PTPRD: variants seen among roughly 807,000 people sequenced by gnomAD.
PTPRD encodes the protein receptor-type tyrosine-protein phosphatase delta.
Under a neutral mutation model 214.5 loss-of-function variants are expected in PTPRD, and 34 were observed. The ratio of observed to expected loss-of-function variants is 0.16; its 90% CI spans 0.12 to 0.21. The LOEUF is 0.21. Ranked by LOEUF, PTPRD falls within the 10% of genes least tolerant of loss-of-function variation. PTPRD has a pLI of 1.00. For missense variants in PTPRD, 2,545 were observed against 2,398.7 expected (o/e 1.06, Z -1.27); for synonymous variants, 1,128 against 845.7 (o/e 1.33, Z -5.79).
intron 5 of PTPRD, among the ~76,000 whole-genome samples, chr9:9,778,028 G>C (rs919239315): frequency 1.3e-5 from 2 of 152,202 alleles, no homozygotes; most frequent in Admixed American, 6.5e-5. Flanking sequence ...GGCAGTGATA[G>C]AGAGGGGAGA....
intron 11 of PTPRD, among the ~76,000 whole-genome samples, chr9:8,840,186 G>C (rs997677741): frequency 3.9e-5 from 6 of 152,144 alleles, no homozygotes; most frequent in Non-Finnish European, 8.8e-5. Flanking sequence ...GTTTAAATTT[G>C]ATATGGTTTG....
intron 3 of PTPRD, among the ~76,000 whole-genome samples, chr9:10,144,479 G>A (rs1255839860): frequency 2.6e-5 from 4 of 152,002 alleles, no homozygotes; most frequent in Non-Finnish European, 5.9e-5. Flanking sequence ...TCTTAGGTAG[G>A]ATGAATATAA....
At chr9:8,801,575 G>C (rs2096571779) in intron 11 of PTPRD, among the ~76,000 whole-genome samples, 1 of 152,078 alleles carries the variant, frequency 6.6e-6, no homozygotes. Flanking sequence ...AATTAGCCAG[G>C]CATGGTGGCA....
At chr9:10,066,211 G>C (rs1194735978) in intron 3 of PTPRD, among the ~76,000 whole-genome samples, 1 of 151,162 alleles carries the variant, frequency 6.6e-6, no homozygotes, top group Non-Finnish European at 1.5e-5. Context: ...TATGTTTATT[G>C]TTATGAATAA....
At chr9:10,356,233 G>A (rs1346087805) in intron 2 of PTPRD, among the ~76,000 whole-genome samples, 2 of 151,920 alleles carry the variant, frequency 1.3e-5, no homozygotes, top group Non-Finnish European at 2.9e-5. Flanking sequence ...GCAACAAGAA[G>A]TAAAGTGGTG....
At position 8,501,042 on chromosome 9, in the gene PTPRD, G is replaced by C. The variant is rs201991300; in HGVS notation, c.1840C>G (p.Gln614Glu). 24 of 1,612,564 alleles carry C rather than the reference G, an allele frequency of 1.5e-5. No homozygotes were observed. The highest frequency in any genetic ancestry group is 1.8e-5 in the Non-Finnish European group (21 of 1,178,926). The change falls in exon 24 of 46, where the codon CAA (glutamine) becomes GAA (glutamate). Residue 614 changes from glutamine (Q) to glutamate (E), a missense_variant. Transcript: ENST00000381196. Reference protein sequence around the residue: ...TMQSKPSAPPQDISCTSPSST... With the variant: ...TMQSKPSAPPEDISCTSPSST... ...CTTGGGCTGGTGCAACTAATGTCTT[G>C]AGGAGGAGCTGACGGCTCTTATTTT...
intron 8 of PTPRD, among the ~76,000 whole-genome samples, chr9:9,469,768 T>G (rs2094466736): frequency 6.6e-6 from 1 of 152,186 alleles, no homozygotes; most frequent in Non-Finnish European, 1.5e-5. Flanking sequence ...AAGGGAAGTG[T>G]CTGTTCTTAT....
chr9:8,613,463 T>C (rs2095516728), intron 14 of PTPRD, among the ~76,000 whole-genome samples: 1 of 152,312 alleles, frequency 6.6e-6, no homozygotes, highest in African/African-American at 2.4e-5. Context: ...GACTTATTTT[T>C]TTTAAAACTA....
At chr9:9,499,035 A>C (rs550461024) in intron 8 of PTPRD, among the ~76,000 whole-genome samples, 6 of 151,942 alleles carry the variant, frequency 3.9e-5, no homozygotes, top group African/African-American at 1.4e-4. Flanking sequence ...AGCTCAAAAG[A>C]GTAGACATTG....
intron 9 of PTPRD, among the ~76,000 whole-genome samples, chr9:9,394,008 T>C (rs1176026911): frequency 6.6e-6 from 1 of 152,082 alleles, no homozygotes; most frequent in Non-Finnish European, 1.5e-5. Flanking sequence ...ACGGAGAAAA[T>C]CAACCTTTTT....
chr9:10,162,140 T>C (rs1367123307), intron 3 of PTPRD, among the ~76,000 whole-genome samples: 1 of 151,634 alleles, frequency 6.6e-6, no homozygotes, highest in Non-Finnish European at 1.5e-5. Flanking sequence ...TGAAGGTTCC[T>C]CAATAAATGA....
rs868140542 is a variant in PTPRD at position 9,468,300 on chromosome 9, T to C, written c.-236-70818A>G. The stretch of plus-strand genomic sequence containing the variant: ...AAAATGTTGGTAAAAGTTTATAATA[T>C]TGTCTTTGGATTTCAAAAAATAATC... On this transcript the variant is annotated intron_variant, in intron 8 of 45. Coordinates refer to ENST00000381196, the MANE Select transcript of PTPRD (RefSeq NM_002839.4). 1.8e-4 allele frequency among the ~76,000 whole-genome samples: 28 copies of C among 152,184 alleles called. No individual in the cohort carries two copies. The South Asian group carries it at 5.4e-3, about 29-fold the overall frequency.
intron 14 of PTPRD, among the ~76,000 whole-genome samples, chr9:8,615,229 C>T (rs1003650900): frequency 6.6e-6 from 1 of 151,170 alleles, no homozygotes. Context: ...CTCCCATTAG[C>T]GTTAATGGGA....
chr9:8,782,811 G>C (rs1042924006), intron 11 of PTPRD, among the ~76,000 whole-genome samples: 4 of 151,990 alleles, frequency 2.6e-5, no homozygotes, highest in African/African-American at 4.8e-5. Flanking sequence ...GGTCAGGCTG[G>C]TCTCGAACTC....
At chr9:9,471,888 T>C (rs1307256824) in intron 8 of PTPRD, among the ~76,000 whole-genome samples, 2 of 152,176 alleles carry the variant, frequency 1.3e-5, no homozygotes, top group Non-Finnish European at 1.5e-5. Context: ...AAGGGATAAG[T>C]ATATCTTGAG....
intron 7 of PTPRD, among the ~76,000 whole-genome samples, chr9:9,600,326 A>C (rs1373126830): frequency 6.6e-6 from 1 of 152,100 alleles, no homozygotes. Context: ...TCTTTTTTGC[A>C]CAAGCTCACA....
chr9:10,117,740 G>A (rs201331555), intron 3 of PTPRD, among the ~76,000 whole-genome samples: 6 of 151,526 alleles, frequency 4.0e-5, no homozygotes, highest in Admixed American at 2.0e-4. Flanking sequence ...TGGGAGTTAG[G>A]ATTGGACATG....
At chr9:9,533,880 T>G (rs1590950859) in intron 8 of PTPRD, among the ~76,000 whole-genome samples, 1 of 152,096 alleles carries the variant, frequency 6.6e-6, no homozygotes, top group Non-Finnish European at 1.5e-5. Context: ...TGAAAAAATT[T>G]AAAATATACT....
At chr9:10,431,293 A>G (rs552654715) in intron 2 of PTPRD, among the ~76,000 whole-genome samples, 7 of 152,216 alleles carry the variant, frequency 4.6e-5, no homozygotes, top group African/African-American at 1.4e-4. Context: ...TTCAAGATGG[A>G]TTAAAGACTT....
Sources: gnomAD v4.1 joint callset for allele counts (sites outside exome capture counted in the v4.1 genomes callset) on GRCh38, gnomAD v4.1.1 for gene constraint, MANE v1.5 for transcripts, NCBI Gene and HGNC (gene_info 2026-07-23, HGNC 2026-07-21) for gene names.